The following IQSEC1 variants were observed in gnomAD, a reference collection of about 807,000 sequenced individuals.
IQSEC1 encodes the protein IQ motif and SEC7 domain-containing protein 1.
IQSEC1 carries 31 observed loss-of-function variants against 91.0 expected under a neutral mutation model. The observed-to-expected ratio is 0.34, with a 90% CI of 0.26 to 0.46. The LOEUF is 0.46. Ranked by LOEUF, IQSEC1 falls within the 20% of genes least tolerant of loss-of-function variation. IQSEC1 has a pLI of 1.00. For missense variants in IQSEC1, 1,388 were observed against 1,575.6 expected (o/e 0.88, Z 2.02); for synonymous variants, 699 against 662.6 (o/e 1.05, Z -0.84).
rs373176366 is a variant in IQSEC1 at position 12,971,902 on chromosome 3, A to T, written c.24-30037T>A. ...CTGGGCGTGGTGGTGGGTGCCTGTA[A>T]TCCCAGCTACTCAGGAGGCTGAGGC... On this transcript the variant is annotated intron_variant, in intron 1 of 13. Coordinates refer to ENST00000613206, the MANE Select transcript of IQSEC1 (RefSeq NM_001134382.3). 4.6e-5 allele frequency among the ~76,000 whole-genome samples: 7 copies of T among 152,148 alleles called. No homozygotes were observed. The East Asian group carries it at 1.4e-3, about 29-fold the overall frequency.
chr3:13,123,643 T>C lies in IQSEC1; in HGVS notation c.302+40461A>G, dbSNP rs1348917191. 2.0e-5 allele frequency among the ~76,000 whole-genome samples: 3 copies of C among 152,262 alleles called. No homozygotes were observed. The East Asian group carries it at 5.8e-4, about 29-fold the overall frequency. On this transcript the variant is annotated intron_variant, in intron 2 of 15. Coordinates refer to the IQSEC1 transcript ENST00000648114. ...GTCAGGTACAAGGCCAAGCGTCCTC[T>C]GCAGACCCCTGAGTTTGCACCCCTT...
chr3:12,940,197 C>T lies in IQSEC1; in HGVS notation c.318+1374G>A, dbSNP rs543373034. On this transcript the variant is annotated intron_variant, in intron 2 of 13. Transcript: ENST00000613206. The surrounding 1 kb of genome is among the most constrained non-coding windows in gnomAD (Gnocchi z 4.4). ...GAGGTTGCTCTGCCCTGTGTCGGTC[C>T]GGCCTAAGTTGCAAGGCAGCACCGA... 7.2e-4 allele frequency among the ~76,000 whole-genome samples: 110 copies of T among 152,038 alleles called. No homozygotes were observed. Among genetic ancestry groups the T allele is most frequent in the Middle Eastern group, 3.4e-3 (1 of 294 alleles).
In IQSEC1 at chr3:13,081,796, C is replaced by T. The variant is rs1019890449; in HGVS notation, c.303-34274G>A. Among the ~76,000 whole-genome samples, 9 of 152,188 alleles carry T rather than the reference C, an allele frequency of 5.9e-5. No homozygotes were observed. In the South Asian group the frequency reaches 1.0e-3, roughly 17 times the overall value. The stretch of plus-strand genomic sequence containing the variant: ...CACCGCCTGGCCCAGTGACCTTGGG[C>T]GGGTCTTCGCTCCTCTCTGAGCCTG... On this transcript the variant is annotated intron_variant, in intron 2 of 15. Coordinates refer to the IQSEC1 transcript ENST00000648114.
At chr3:13,043,072 C>T (rs1460089448) in intron 1 of IQSEC1, among the ~76,000 whole-genome samples, 4 of 152,150 alleles carry the variant, frequency 2.6e-5, no homozygotes, top group Non-Finnish European at 5.9e-5. Context: ...GCCTGGGCGA[C>T]GGGGACACAT....
chr3:12,984,022 C>T (rs1205655869), intron 1 of IQSEC1, among the ~76,000 whole-genome samples: 1 of 152,130 alleles, frequency 6.6e-6, no homozygotes, highest in East Asian at 1.9e-4. Context: ...TGTCCTGACC[C>T]AAGGTACAGA....
At chr3:12,907,670 C>T (rs1223114756) in intron 12 of IQSEC1, among the ~76,000 whole-genome samples, 1 of 152,260 alleles carries the variant, frequency 6.6e-6, no homozygotes, top group Non-Finnish European at 1.5e-5. Context: ...GCCCCTGAGC[C>T]TTGCTGCTCC....
intron 2 of IQSEC1, among the ~76,000 whole-genome samples, chr3:13,152,276 A>T (rs1277043790): frequency 6.6e-6 from 1 of 152,238 alleles, no homozygotes; most frequent in South Asian, 2.1e-4. Context: ...AGGGAGGCTG[A>T]CAAGGATTTA....
In IQSEC1 at chr3:13,193,148, C is replaced by G. The variant is rs1386436806; in HGVS notation, c.273-29015G>C. ...CCTTGTCCTACGAGCACAGGATGCCCACCTGCCCGGGGCTCACACACAGAG... is the reference window on the plus strand; with the variant it reads ...CCTTGTCCTACGAGCACAGGATGCCGACCTGCCCGGGGCTCACACACAGAG... On this transcript the variant is annotated intron_variant, in intron 1 of 15. Coordinates refer to the IQSEC1 transcript ENST00000648114. This position sits in a 1 kb window ranked among gnomAD's most constrained non-coding sequence, Gnocchi z 4.2. Among the ~76,000 whole-genome samples, 1 of 152,206 alleles carries G rather than the reference C, an allele frequency of 6.6e-6. No individual in the cohort carries two copies. Among genetic ancestry groups the G allele is most frequent in the Admixed American group, 6.5e-5 (1 of 15,280 alleles).
At chr3:13,016,489 C>A (rs1703138582) in intron 1 of IQSEC1, among the ~76,000 whole-genome samples, 1 of 152,218 alleles carries the variant, frequency 6.6e-6, no homozygotes, top group African/African-American at 2.4e-5. Context: ...CCAGCCGTGG[C>A]TCTCCCGCCC....
intron 1 of IQSEC1, among the ~76,000 whole-genome samples, chr3:13,059,855 G>T (rs1325582273): frequency 2.0e-5 from 3 of 152,242 alleles, no homozygotes; most frequent in African/African-American, 7.2e-5. Context: ...GTCCAGGGAT[G>T]ACTTTGGAGC....
At chr3:13,030,691 G>A (rs1006383530) in intron 1 of IQSEC1, among the ~76,000 whole-genome samples, 6 of 152,370 alleles carry the variant, frequency 3.9e-5, no homozygotes, top group African/African-American at 1.4e-4. Context: ...GGATGCTTAC[G>A]AGACACGTGC....
At chr3:12,932,254 A>G (rs558835743) in intron 3 of IQSEC1, among the ~76,000 whole-genome samples, 2 of 152,318 alleles carry the variant, frequency 1.3e-5, no homozygotes, top group East Asian at 3.9e-4. Flanking sequence ...GCAGGGCTGC[A>G]TGGCGTCCCA....
intron 1 of IQSEC1, among the ~76,000 whole-genome samples, chr3:13,005,811 C>T (rs1287333594): frequency 6.6e-6 from 1 of 152,168 alleles, no homozygotes; most frequent in Admixed American, 6.5e-5. Context: ...CCTCCCTTCT[C>T]AGCAAGGATT....
chr3:13,137,919 G>A (rs1354175164), intron 2 of IQSEC1, among the ~76,000 whole-genome samples: 1 of 152,182 alleles, frequency 6.6e-6, no homozygotes, highest in Non-Finnish European at 1.5e-5. Context: ...AAAAAGAGGA[G>A]GATCACGGTA....
At chr3:13,126,671 T>C (rs986356175) in intron 2 of IQSEC1, among the ~76,000 whole-genome samples, 1 of 152,248 alleles carries the variant, frequency 6.6e-6, no homozygotes, top group Non-Finnish European at 1.5e-5. Flanking sequence ...TTTCTCCACA[T>C]TTTCACAAGA....
At chr3:13,185,220 C>A (rs1364240728) in intron 1 of IQSEC1, among the ~76,000 whole-genome samples, 1 of 152,180 alleles carries the variant, frequency 6.6e-6, no homozygotes, top group African/African-American at 2.4e-5. Flanking sequence ...GACACCTCAT[C>A]TGTCAATGGG....
chr3:13,095,456 G>A (rs1185623418), intron 2 of IQSEC1, among the ~76,000 whole-genome samples: 1 of 152,196 alleles, frequency 6.6e-6, no homozygotes, highest in African/African-American at 2.4e-5. Flanking sequence ...AGCACCGGGG[G>A]CTGATGGACA....
rs202118616 is a variant in IQSEC1 at position 12,915,572 on chromosome 3, C to A, written c.2160+22G>T. 52 of 1,609,986 alleles carry A rather than the reference C, an allele frequency of 3.2e-5. No individual in the cohort carries two copies. In the African/African-American group the frequency reaches 5.3e-4, roughly 17 times the overall value. On this transcript the variant is annotated intron_variant, in intron 7 of 13. Transcript: ENST00000613206. ...GCCCGGGTGGTGCTGGGGCCCACCA[C>A]GTACCAGGGCCCATCACATACCGGC...
intron 1 of IQSEC1, among the ~76,000 whole-genome samples, chr3:12,971,410 T>C (rs1700887463): frequency 6.6e-6 from 1 of 152,208 alleles, no homozygotes; most frequent in Non-Finnish European, 1.5e-5. Flanking sequence ...ATATTAATTA[T>C]TTGAAAAAGC....
Sources: gnomAD v4.1 joint callset for allele counts (sites outside exome capture counted in the v4.1 genomes callset) on GRCh38, gnomAD v4.1.1 for gene constraint, Gnocchi (gnomAD v3.1) non-coding constraint, MANE v1.5 for transcripts, NCBI Gene and HGNC (gene_info 2026-07-23, HGNC 2026-07-21) for gene names.